Variants in GRB14 observed in about 807,000 individuals in gnomAD.
GRB14 encodes the protein growth factor receptor bound protein 14.
Under a neutral mutation model 69.1 loss-of-function variants are expected in GRB14, and 38 were observed. The observed-to-expected ratio is 0.55, with a 90% CI of 0.42 to 0.72. The LOEUF is 0.72. Among genes scored for constraint, GRB14 ranks in the 30% least tolerant of loss-of-function variants. GRB14 has a pLI of 0.00. For missense variants in GRB14, 666 were observed against 666.1 expected, an observed-to-expected ratio of 1.00 and a Z score of 0.00; for synonymous variants, 247 against 241.3, an observed-to-expected ratio of 1.02 and a Z score of -0.22.
intron 2 of GRB14, among the ~76,000 whole-genome samples, chr2:164,560,177 A>AGGCTGCTTTAAGC (rs1688785403): frequency 6.6e-6 from 1 of 152,196 alleles, no homozygotes; most frequent in East Asian, 1.9e-4. Flanking sequence ...TCCAGTATTT[A>AGGCTGCTTTAAGC]GGCTGCTTTA....
intron 2 of GRB14, among the ~76,000 whole-genome samples, chr2:164,617,962 G>A (rs868597810): frequency 8.5e-6 from 1 of 118,026 alleles, no homozygotes; most frequent in East Asian, 2.5e-4. Flanking sequence ...TTTTTTTTGG[G>A]GGGGGGGGGG....
intron 2 of GRB14, among the ~76,000 whole-genome samples, chr2:164,572,731 T>C (rs1248564258): frequency 2.6e-5 from 4 of 152,158 alleles, no homozygotes; most frequent in Non-Finnish European, 4.4e-5. Context: ...GGAGGTTCCT[T>C]GAGGGCAGTG....
chr2:164,504,658 T>C (rs902091753), intron 8 of GRB14, among the ~76,000 whole-genome samples: 1 of 152,182 alleles, frequency 6.6e-6, no homozygotes, highest in African/African-American at 2.4e-5. Context: ...CAGCCTCATC[T>C]GGAAAAGCTT....
In GRB14 at chr2:164,568,202, G is replaced by C. The variant is rs138439175; in HGVS notation, c.325-20386C>G. 404 of 445,220 alleles carry C rather than the reference G, an allele frequency of 9.1e-4. 2 individuals are homozygous for C. Among genetic ancestry groups the C allele is most frequent in the African/African-American group, 7.9e-3 (382 of 48,276 alleles). The allele number at this position is 445,220 out of a possible 1,614,324, so 27.6% of individuals were successfully genotyped here. ...TACCTACAACTTTAATGAATTATAGGCTCTTTCAAGGGTATGTAAGTAAAG... is the reference window on the plus strand; with the variant it reads ...TACCTACAACTTTAATGAATTATAGCCTCTTTCAAGGGTATGTAAGTAAAG... On this transcript the variant is annotated intron_variant, in intron 2 of 13. Transcript: ENST00000263915.
At position 164,621,040 on chromosome 2, in the gene GRB14, C is replaced by T. The variant is rs1690445904; in HGVS notation, c.191+79G>A. The T allele has an allele frequency of 6.0e-6, 7 of 1,171,922 alleles. No homozygotes were observed. The highest frequency in any genetic ancestry group is 7.6e-6 in the Non-Finnish European group (7 of 924,016). The allele number at this position is 1,171,922 out of a possible 1,614,324, so 72.6% of individuals were successfully genotyped here. A position where few individuals can be genotyped will look rare whatever the true frequency, so the allele number is the denominator to read the frequency against. ...TTGGCCCAGCTCTGGGCACATGGCT[C>T]ACCCCCTAGGACCGCCTCCTCACCC... On this transcript the variant is annotated intron_variant, in intron 1 of 13. Transcript: ENST00000263915. The surrounding 1 kb of genome is among the most constrained non-coding windows in gnomAD (Gnocchi z 6.0).
chr2:164,575,445 C>T (rs1369033610), intron 2 of GRB14, among the ~76,000 whole-genome samples: 8 of 151,876 alleles, frequency 5.3e-5, no homozygotes, highest in Non-Finnish European at 1.0e-4. Context: ...TATAATAAAA[C>T]GTAAGTAATA....
intron 2 of GRB14, among the ~76,000 whole-genome samples, chr2:164,587,547 T>C (rs968580040): frequency 2.6e-5 from 4 of 152,204 alleles, no homozygotes; most frequent in African/African-American, 9.6e-5. Flanking sequence ...GTAGGAATTG[T>C]CTTTAATAAT....
At chr2:164,573,103 T>A (rs1689160663) in intron 2 of GRB14, among the ~76,000 whole-genome samples, 1 of 152,180 alleles carries the variant, frequency 6.6e-6, no homozygotes, top group African/African-American at 2.4e-5. Context: ...CTTTTCCATT[T>A]CTCCTTTCTT....
intron 6 of GRB14, among the ~76,000 whole-genome samples, chr2:164,513,116 C>T (rs1269537277): frequency 6.6e-6 from 1 of 151,920 alleles, no homozygotes; most frequent in Non-Finnish European, 1.5e-5. Context: ...TTTCTCTTTC[C>T]TTCCCACTCC....
At chr2:164,606,263 T>G (rs1362397419) in intron 2 of GRB14, among the ~76,000 whole-genome samples, 1 of 152,154 alleles carries the variant, frequency 6.6e-6, no homozygotes, top group East Asian at 1.9e-4. Flanking sequence ...CAAGAGTGAT[T>G]GCCCCTAGAA....
At chr2:164,579,435 G>T (rs1404921997) in intron 2 of GRB14, among the ~76,000 whole-genome samples, 1 of 151,956 alleles carries the variant, frequency 6.6e-6, no homozygotes, top group African/African-American at 2.4e-5. Flanking sequence ...AGCCTATCCT[G>T]GCAGCTCAGG....
At chr2:164,554,489 T>C (rs1574303200) in intron 2 of GRB14, among the ~76,000 whole-genome samples, 3 of 152,232 alleles carry the variant, frequency 2.0e-5, no homozygotes, top group Non-Finnish European at 4.4e-5. Context: ...AAAAGAAACA[T>C]AGCACTGATA....
chr2:164,620,771 A>AT (rs576655704), intron 1 of GRB14, among the ~76,000 whole-genome samples: 48 of 152,228 alleles, frequency 3.2e-4, no homozygotes, highest in Admixed American at 9.8e-4. Flanking sequence ...TTATGCTACG[A>AT]TTTTTTTAAA....
chr2:164,602,958 C>A (rs1394097663), intron 2 of GRB14, among the ~76,000 whole-genome samples: 1 of 151,768 alleles, frequency 6.6e-6, no homozygotes, highest in Non-Finnish European at 1.5e-5. Context: ...CATGTAAAGA[C>A]CAAAGTCAGG....
chr2:164,544,603 T>C (rs961756554), intron 3 of GRB14, among the ~76,000 whole-genome samples: 3 of 152,198 alleles, frequency 2.0e-5, no homozygotes, highest in African/African-American at 7.2e-5. Flanking sequence ...AAAATATATG[T>C]TGAGCCTCTT....
intron 8 of GRB14, among the ~76,000 whole-genome samples, chr2:164,507,656 TG>T (rs1687227673): frequency 6.6e-6 from 1 of 152,336 alleles, no homozygotes; most frequent in South Asian, 2.1e-4. Flanking sequence ...CTAACTAATG[TG>T]GACGGGCACT....
intron 3 of GRB14, among the ~76,000 whole-genome samples, chr2:164,545,217 A>G (rs2105307851): frequency 6.6e-6 from 1 of 152,324 alleles, no homozygotes; most frequent in African/African-American, 2.4e-5. Flanking sequence ...TCTTACTAAA[A>G]GTTGTTAAAC....
chr2:164,510,953 A>G (rs1187736533), intron 6 of GRB14, among the ~76,000 whole-genome samples: 3 of 152,196 alleles, frequency 2.0e-5, no homozygotes, highest in African/African-American at 7.2e-5. Flanking sequence ...TGGGAGAGGG[A>G]GAGCACAGTA....
intron 2 of GRB14, among the ~76,000 whole-genome samples, chr2:164,575,359 C>T (rs1370193823): frequency 2.6e-5 from 4 of 152,150 alleles, no homozygotes; most frequent in African/African-American, 9.6e-5. Context: ...ATTGTAAAAA[C>T]CTGAGTGAAA....
Sources: allele counts gnomAD v4.1 joint callset (sites outside exome capture counted in the v4.1 genomes callset), GRCh38; gene constraint gnomAD v4.1.1; non-coding constraint Gnocchi (gnomAD v3.1); transcripts MANE v1.5; gene names NCBI Gene and HGNC (gene_info 2026-07-23, HGNC 2026-07-21).